CCDC171: variants seen among roughly 807,000 people sequenced by gnomAD.
The protein encoded by CCDC171 is coiled-coil domain containing 171.
In CCDC171, 177 loss-of-function variants were observed where a neutral mutation model predicts 168.2. The ratio of observed to expected loss-of-function variants is 1.05; its 90% CI spans 0.93 to 1.19. The LOEUF (loss-of-function observed/expected upper bound fraction) is 1.19. CCDC171 is among the 50% of genes most tolerant of loss of function. CCDC171 has a pLI of 0.00. For synonymous variants in CCDC171, 687 were observed against 540.8 expected (o/e 1.27, Z -3.75); for missense variants, 1,991 against 1,539.0 (o/e 1.29, Z -4.91).
chr9:15,614,621 T>C (rs2043952314), intron 6 of CCDC171, among the ~76,000 whole-genome samples: 1 of 152,208 alleles, frequency 6.6e-6, no homozygotes, highest in Non-Finnish European at 1.5e-5. Context: ...TTTGAGGATA[T>C]TTTGAAGTTT....
intron 10 of CCDC171, among the ~76,000 whole-genome samples, chr9:15,694,051 C>A (rs2051025977): frequency 6.6e-6 from 1 of 152,176 alleles, no homozygotes; most frequent in African/African-American, 2.4e-5. Context: ...TTTTAGTCTC[C>A]ATTTTGCTTC....
intron 21 of CCDC171, among the ~76,000 whole-genome samples, chr9:15,789,488 C>A (rs994684484): frequency 2.6e-5 from 4 of 152,102 alleles, no homozygotes; most frequent in Non-Finnish European, 5.9e-5. Flanking sequence ...TTGTTTTAAG[C>A]AAAAGCTAAG....
At chr9:15,661,758 A>G (rs1200036078) in intron 8 of CCDC171, among the ~76,000 whole-genome samples, 2 of 152,138 alleles carry the variant, frequency 1.3e-5, no homozygotes, top group Admixed American at 6.5e-5. Context: ...TTTGTAGTCT[A>G]TTTTTCTTTC....
At chr9:16,044,935 A>G (rs1178577587) in intron 1 of CCDC171, among the ~76,000 whole-genome samples, 6 of 152,170 alleles carry the variant, frequency 3.9e-5, no homozygotes, top group African/African-American at 1.2e-4. Flanking sequence ...TCAAGGACAC[A>G]TGCTGAGATT....
intron 7 of CCDC171, among the ~76,000 whole-genome samples, chr9:15,629,759 G>A (rs2045516184): frequency 1.3e-5 from 2 of 152,164 alleles, no homozygotes; most frequent in Non-Finnish European, 2.9e-5. Flanking sequence ...AGGAAAAAAT[G>A]TTAAGGGCAG....
intron 3 of CCDC171, among the ~76,000 whole-genome samples, chr9:15,996,087 A>G (rs992583572): frequency 6.6e-6 from 1 of 152,190 alleles, no homozygotes; most frequent in African/African-American, 2.4e-5. Context: ...AGTTTCTCCA[A>G]CAATTGACTT....
intron 25 of CCDC171, among the ~76,000 whole-genome samples, chr9:15,948,558 G>T (rs1430320548): frequency 2.0e-5 from 3 of 152,076 alleles, no homozygotes; most frequent in South Asian, 2.1e-4. Flanking sequence ...GTTTTGATTT[G>T]CATTGCTCTG....
intron 18 of CCDC171, among the ~76,000 whole-genome samples, chr9:15,756,956 A>T (rs1232907083): frequency 6.6e-6 from 1 of 152,170 alleles, no homozygotes; most frequent in African/African-American, 2.4e-5. Flanking sequence ...GCCATGTGGA[A>T]CTATAAATCC....
intron 6 of CCDC171, among the ~76,000 whole-genome samples, chr9:16,023,683 A>T (rs1378119885): frequency 6.6e-6 from 1 of 152,188 alleles, no homozygotes; most frequent in East Asian, 1.9e-4. Flanking sequence ...TTCATTGGGC[A>T]TTACTAATTG....
At chr9:16,091,011 C>A in the CCDC171 span, among the ~76,000 whole-genome samples, 1 of 152,162 alleles carries the variant, frequency 6.6e-6, no homozygotes, top group East Asian at 1.9e-4. Flanking sequence ...TGTCCTCTGC[C>A]TACTTGTGCC....
At chr9:15,962,158 C>T (rs1830407126) in intron 25 of CCDC171, among the ~76,000 whole-genome samples, 1 of 152,130 alleles carries the variant, frequency 6.6e-6, no homozygotes, top group South Asian at 2.1e-4. Flanking sequence ...TGCTACAACA[C>T]AGGGGCTAAT....
At chr9:15,977,922 A>G (rs887981476), downstream of CCDC171, among the ~76,000 whole-genome samples, 3 of 152,210 alleles carry the variant, frequency 2.0e-5, no homozygotes, top group Non-Finnish European at 4.4e-5. Flanking sequence ...GATGCCTAGT[A>G]AAAAGAACTG....
At chr9:15,733,828 G>A (rs1260918261) in intron 16 of CCDC171, among the ~76,000 whole-genome samples, 2 of 152,094 alleles carry the variant, frequency 1.3e-5, no homozygotes, top group African/African-American at 4.8e-5. Flanking sequence ...GAGTATGGTG[G>A]CACAGTCACG....
intron 22 of CCDC171, 34 bp downstream of exon 22, chr9:15,846,881 A>G (rs902667187): frequency 4.5e-6 from 7 of 1,567,914 alleles, no homozygotes; most frequent in Non-Finnish European, 6.1e-6. Flanking sequence ...ATCACTTAAA[A>G]CAGACAAAAG....
intron 6 of CCDC171, among the ~76,000 whole-genome samples, chr9:16,023,184 C>T (rs900541655): frequency 8.6e-5 from 13 of 151,988 alleles, no homozygotes; most frequent in African/African-American, 3.1e-4. Flanking sequence ...TCTGTTTTCC[C>T]TTCCCAGCAA....
chr9:15,597,183 T>G (rs904555650), intron 6 of CCDC171, among the ~76,000 whole-genome samples: 2 of 152,100 alleles, frequency 1.3e-5, no homozygotes, highest in Admixed American at 6.6e-5. Context: ...CAACACTATG[T>G]TGAATGGGAG....
At chr9:16,095,791 T>C in the CCDC171 span, among the ~76,000 whole-genome samples, 1 of 150,482 alleles carries the variant, frequency 6.6e-6, no homozygotes, top group African/African-American at 2.4e-5. Flanking sequence ...TAATACTTCA[T>C]AGGGCTATTT....
chr9:15,907,916 A>T (rs959958946), intron 24 of CCDC171, among the ~76,000 whole-genome samples: 1 of 152,230 alleles, frequency 6.6e-6, no homozygotes, highest in African/African-American at 2.4e-5. Context: ...GCTCATCATC[A>T]CTGGCCATCA....
chr9:15,743,881 A>C (rs1436610376), intron 16 of CCDC171, among the ~76,000 whole-genome samples: 1 of 152,240 alleles, frequency 6.6e-6, no homozygotes, highest in Admixed American at 6.5e-5. Context: ...CTCTATTGGC[A>C]GTGTCATTTC....
Sources: allele counts gnomAD v4.1 joint callset (sites outside exome capture counted in the v4.1 genomes callset), GRCh38; gene constraint gnomAD v4.1.1; transcripts MANE v1.5; gene names NCBI Gene and HGNC (gene_info 2026-07-23, HGNC 2026-07-21).